RIPOR3: variants seen among roughly 807,000 people sequenced by gnomAD.
RIPOR3 encodes the protein family with sequence similarity 65 member C.
A neutral mutation model predicts 114.3 loss-of-function variants in RIPOR3; 95 were observed. The ratio of observed to expected loss-of-function variants is 0.83; its 90% CI spans 0.70 to 0.99. The LOEUF is 0.99. RIPOR3 is among the 50% of genes least tolerant of loss of function. RIPOR3 has a pLI of 0.00. For missense variants in RIPOR3, 1,252 were observed against 1,266.9 expected, an observed-to-expected ratio of 0.99 and a Z score of 0.18; for synonymous variants, 575 against 543.8, an observed-to-expected ratio of 1.06 and a Z score of -0.80.
At chr20:50,689,172 C>CTT (rs71964773) in intron 1 of RIPOR3, among the ~76,000 whole-genome samples, 35 of 88,756 alleles carry the variant, frequency 3.9e-4, no homozygotes, top group African/African-American at 1.0e-3. Context: ...CTCCAAACTT[C>CTT]TTTTTTTTTT....
chr20:50,662,869 T>G (rs1600713100), intron 1 of RIPOR3, among the ~76,000 whole-genome samples: 1 of 152,018 alleles, frequency 6.6e-6, no homozygotes, highest in South Asian at 2.1e-4. Context: ...CCGAGGCGGG[T>G]GGGTCACTTG....
At chr20:50,686,096 C>T (rs1447979690) in intron 1 of RIPOR3, among the ~76,000 whole-genome samples, 1 of 151,944 alleles carries the variant, frequency 6.6e-6, no homozygotes, top group African/African-American at 2.4e-5. Context: ...CGCTCTGTTG[C>T]CCCAGGCTGG....
rs2083170582 is a variant in RIPOR3 at position 50,593,174 on chromosome 20, C to G, written c.2235G>C (p.Gln745His). ...LEIACRRLLEQVVSCGGLLPG... is the reference protein window; with the variant it reads ...LEIACRRLLEHVVSCGGLLPG... ...GGAGCAGCCCACCACAGCTGACCACCTGCTCCAGGAGCCTGCGGCACGCTG... is the reference window on the plus strand; with the variant it reads ...GGAGCAGCCCACCACAGCTGACCACGTGCTCCAGGAGCCTGCGGCACGCTG... Residue 745 changes from glutamine to histidine, a missense_variant, in exon 18 of 22, where the codon CAG becomes CAC. Coordinates refer to ENST00000327979, the MANE Select transcript of RIPOR3 (RefSeq NM_001290268.2). 2 of 1,613,314 alleles carry G rather than the reference C, an allele frequency of 1.2e-6. No individual in the cohort carries two copies. Among genetic ancestry groups the G allele is most frequent in the Non-Finnish European group, 1.7e-6 (2 of 1,180,030 alleles).
At position 50,682,612 on chromosome 20, in the gene RIPOR3, A is replaced by ATATGTGTGTGTGTGTGTGTGTGTGTGTG. The variant is rs145272267; in HGVS notation, c.3+8513_3+8514insCACACACACACACACACACACACACATA. ...ACAGAGTGAGACCCTGTCTCAAAATATGTGTGTGTGTGTGTGTCTGCATGT... is the reference window on the plus strand; with the variant it reads ...ACAGAGTGAGACCCTGTCTCAAAATATATGTGTGTGTGTGTGTGTGTGTGTGTGTGTGTGTGTGTGTGTGTCTGCATGT... On this transcript the variant is annotated intron_variant, in intron 1 of 21. Coordinates refer to ENST00000327979, the MANE Select transcript of RIPOR3 (RefSeq NM_001290268.2). 2.2e-3 allele frequency among the ~76,000 whole-genome samples: 323 copies of ATATGTGTGTGTGTGTGTGTGTGTGTGTG among 146,894 alleles called. 1 individual carries two copies. The highest frequency in any genetic ancestry group is 6.9e-3 in the Middle Eastern group (2 of 288).
intron 2 of RIPOR3, among the ~76,000 whole-genome samples, chr20:50,626,236 G>A (rs576884999): frequency 6.6e-6 from 1 of 152,362 alleles, no homozygotes; most frequent in African/African-American, 2.4e-5. Flanking sequence ...CGTCGGTGTG[G>A]GCAGCTTCTT....
At chr20:50,643,119 C>T (rs1469322726) in intron 1 of RIPOR3, among the ~76,000 whole-genome samples, 19 of 139,354 alleles carry the variant, frequency 1.4e-4, no homozygotes, top group African/African-American at 5.2e-4. Context: ...CCTGTAATCT[C>T]AGCACTTTTT....
In RIPOR3 at chr20:50,620,983, A is replaced by G. The variant is rs528653693; in HGVS notation, c.123-851T>C. The G allele has an allele frequency of 1.5e-4, 77 of 524,806 alleles. No individual in the cohort carries two copies. In the East Asian group the frequency reaches 3.2e-3, roughly 22 times the overall value. 32.5% of individuals were successfully genotyped at this position (524,806 alleles called of 1,614,324 possible). ...AACAGGCCCTCAAGTTCATCAAGGA[A>G]AGGGTGGGGACACACATCCACGCCA... On this transcript the variant is annotated intron_variant, in intron 2 of 21. Coordinates refer to ENST00000327979, the MANE Select transcript of RIPOR3 (RefSeq NM_001290268.2).
At chr20:50,637,527 T>A (rs2085030535) in intron 1 of RIPOR3, among the ~76,000 whole-genome samples, 1 of 152,132 alleles carries the variant, frequency 6.6e-6, no homozygotes, top group Non-Finnish European at 1.5e-5. Context: ...TTCTCAAGAA[T>A]CTTCGCTCCA....
At chr20:50,635,345 T>A (rs2084947029) in intron 1 of RIPOR3, among the ~76,000 whole-genome samples, 1 of 152,110 alleles carries the variant, frequency 6.6e-6, no homozygotes, top group African/African-American at 2.4e-5. Context: ...ACTATCCCCA[T>A]TTTGCAGATA....
chr20:50,611,721 A>G (rs922194906), intron 4 of RIPOR3, among the ~76,000 whole-genome samples: 1 of 152,192 alleles, frequency 6.6e-6, no homozygotes, highest in African/African-American at 2.4e-5. Context: ...GACCAACACA[A>G]ATAATATATC....
In RIPOR3 at chr20:50,630,871, C is replaced by A; in HGVS notation, c.4-15G>T. ...ATGGTGGTCACCTGCAAGGAGAGGACAGGAGAGTCAGCCTGGCATCACCAT... is the reference window on the plus strand; with the variant it reads ...ATGGTGGTCACCTGCAAGGAGAGGAAAGGAGAGTCAGCCTGGCATCACCAT... On this transcript the variant is annotated splice_polypyrimidine_tract_variant and intron_variant, in intron 1 of 21. Transcript: ENST00000327979. 1 of 1,573,544 alleles carries A rather than the reference C, an allele frequency of 6.4e-7. No homozygotes were observed. The highest frequency in any genetic ancestry group is 8.6e-7 in the Non-Finnish European group (1 of 1,157,740).
intron 8 of RIPOR3, 42 bp downstream of exon 8, chr20:50,609,251 C>T: frequency 6.2e-7 from 1 of 1,602,814 alleles, no homozygotes; most frequent in Non-Finnish European, 8.5e-7. Context: ...AGTCTCAGGG[C>T]CTCCAGAAAG....
chr20:50,629,877 A>C (rs1335381529), intron 2 of RIPOR3, among the ~76,000 whole-genome samples: 1 of 152,184 alleles, frequency 6.6e-6, no homozygotes, highest in Non-Finnish European at 1.5e-5. Flanking sequence ...CGCCCGTGGA[A>C]GACCCAACCC....
intron 1 of RIPOR3, among the ~76,000 whole-genome samples, chr20:50,654,427 T>G (rs981828385): frequency 8.0e-5 from 10 of 125,746 alleles, no homozygotes; most frequent in Admixed American, 3.2e-4. Context: ...GCAGAGTTTT[T>G]TTTTTTTTTT....
rs1272938455 is a variant in RIPOR3 at position 50,657,748 on chromosome 20, C to CTT, written c.4-26894_4-26893dup. 8.5e-3 allele frequency among the ~76,000 whole-genome samples: 924 copies of CTT among 108,966 alleles called. 17 individuals carry two copies. The highest frequency in any genetic ancestry group is 0.019 in the African/African-American group (544 of 28,220). The allele number at this position is 108,966 out of a possible 152,430, so 71.5% of individuals were successfully genotyped here. On this transcript the variant is annotated intron_variant, in intron 1 of 21. Coordinates refer to ENST00000327979, the MANE Select transcript of RIPOR3 (RefSeq NM_001290268.2). ...CCAAGCATAGGGTAAATGTCTTTTA[C>CTT]TTTTTTTTTTTTTTTTTTTTTTGAG... is the stretch of plus-strand genomic sequence containing the variant.
At chr20:50,617,742 C>T (rs967891652) in intron 3 of RIPOR3, among the ~76,000 whole-genome samples, 2 of 150,644 alleles carry the variant, frequency 1.3e-5, no homozygotes, top group Admixed American at 6.6e-5. Context: ...TCTCCTGCCT[C>T]AGCCTCCCGA....
At chr20:50,593,309 G>C (rs41282808) in intron 17 of RIPOR3, 113 bp from the exon 18 acceptor site, 11 of 1,232,384 alleles carry the variant, frequency 8.9e-6, no homozygotes, top group Middle Eastern at 2.8e-4. Flanking sequence ...GCAGTGGCTC[G>C]CACCTGTAAC....
At chr20:50,611,328 G>A in intron 4 of RIPOR3, 124 bp from the exon 5 acceptor site, 1 of 1,264,908 alleles carries the variant, frequency 7.9e-7, no homozygotes. Context: ...CATGTCTACA[G>A]CCACCCCCAC....
At chr20:50,658,476 G>A (rs191273813) in intron 1 of RIPOR3, among the ~76,000 whole-genome samples, 71 of 152,134 alleles carry the variant, frequency 4.7e-4, no homozygotes, top group Non-Finnish European at 7.3e-4. Flanking sequence ...GGGAGACCAC[G>A]GTGGGAGGAT....
Sources: allele counts gnomAD v4.1 joint callset (sites outside exome capture counted in the v4.1 genomes callset), GRCh38; gene constraint gnomAD v4.1.1; transcripts MANE v1.5; gene names NCBI Gene and HGNC (gene_info 2026-07-23, HGNC 2026-07-21).